Variants in HPSE2 observed in about 807,000 individuals in gnomAD.
The protein encoded by HPSE2 is heparanase 2 (inactive).
A neutral mutation model predicts 60.5 loss-of-function variants in HPSE2; 38 were observed. The observed-to-expected ratio is 0.63, with a 90% CI of 0.48 to 0.82. The LOEUF (loss-of-function observed/expected upper bound fraction) is 0.82, where lower values mean the gene tolerates loss of function less well. Ranked by LOEUF, HPSE2 falls within the 40% of genes least tolerant of loss-of-function variation. The probability of loss-of-function intolerance (pLI) is 0.00; values close to 1 mark genes in which losing one functional copy is unlikely to be tolerated. For missense variants in HPSE2, 713 were observed against 740.4 expected, an observed-to-expected ratio of 0.96 and a Z score of 0.43; for synonymous variants, 295 against 293.2, an observed-to-expected ratio of 1.01 and a Z score of -0.06.
chr10:98,934,682 T>C (rs1954741077), intron 3 of HPSE2, among the ~76,000 whole-genome samples: 1 of 144,104 alleles, frequency 6.9e-6, no homozygotes, highest in South Asian at 2.1e-4. Context: ...GTAGGTGACC[T>C]GGCCTTTCTC....
chr10:99,266,976 C>T, the HPSE2 span, among the ~76,000 whole-genome samples: 1 of 152,124 alleles, frequency 6.6e-6, no homozygotes, highest in Non-Finnish European at 1.5e-5. Flanking sequence ...GGTAGCACCC[C>T]ATGGGACAAA....
At chr10:98,735,875 A>T (rs1949344332) in intron 4 of HPSE2, among the ~76,000 whole-genome samples, 1 of 152,202 alleles carries the variant, frequency 6.6e-6, no homozygotes, top group Non-Finnish European at 1.5e-5. Flanking sequence ...GGCAGAAGGG[A>T]ATTGCCTTGT....
At chr10:98,841,318 C>T (rs1369497579) in intron 3 of HPSE2, among the ~76,000 whole-genome samples, 2 of 152,188 alleles carry the variant, frequency 1.3e-5, no homozygotes, top group Non-Finnish European at 2.9e-5. Context: ...GGTTCTTCCA[C>T]ATTCCTTCAC....
intron 2 of HPSE2, among the ~76,000 whole-genome samples, chr10:99,216,659 A>C (rs1366585420): frequency 6.6e-6 from 1 of 152,132 alleles, no homozygotes; most frequent in Admixed American, 6.5e-5. Context: ...TCTACTCTAT[A>C]CATCATTTTT....
chr10:99,132,214 AG>A lies in HPSE2; in HGVS notation c.610+12023del, dbSNP rs1845452242. On this transcript the variant is annotated intron_variant, in intron 3 of 11. Coordinates refer to ENST00000370552, the MANE Select transcript of HPSE2 (RefSeq NM_021828.5). ...GAAAGAGAGAGAGAGAGAGAGAGAG[AG>A]AGAGAGAGAGAGAGAGAGAGAGAGA... 8.6e-4 allele frequency among the ~76,000 whole-genome samples: 28 copies of A among 32,642 alleles called. 1 individual carries two copies. The highest frequency in any genetic ancestry group is 1.3e-3 in the African/African-American group (25 of 18,900). The allele number at this position is 32,642 out of a possible 152,430, so 21.4% of individuals were successfully genotyped here.
intron 3 of HPSE2, among the ~76,000 whole-genome samples, chr10:98,884,660 T>C (rs1397227740): frequency 2.0e-5 from 3 of 152,134 alleles, no homozygotes; most frequent in Non-Finnish European, 2.9e-5. Flanking sequence ...CTCAACCTTT[T>C]TGGCACCAGG....
intron 9 of HPSE2, among the ~76,000 whole-genome samples, chr10:98,531,032 C>T (rs1336977418): frequency 6.6e-6 from 1 of 152,172 alleles, no homozygotes; most frequent in Non-Finnish European, 1.5e-5. Flanking sequence ...CTGAATATAT[C>T]TCCGTGCCAG....
chr10:99,132,456 T>C (rs188910005), intron 3 of HPSE2, among the ~76,000 whole-genome samples: 49 of 152,236 alleles, frequency 3.2e-4, no homozygotes, highest in African/African-American at 1.2e-3. Context: ...GCTGGCAAGA[T>C]GGCCGAATAG....
intron 6 of HPSE2, among the ~76,000 whole-genome samples, chr10:98,653,575 G>C (rs1225055159): frequency 2.0e-5 from 3 of 151,184 alleles, no homozygotes; most frequent in Non-Finnish European, 4.4e-5. Flanking sequence ...ATGAATCTCG[G>C]TGTATCTTCA....
chr10:98,826,399 T>C (rs1239504317), intron 3 of HPSE2, among the ~76,000 whole-genome samples: 1 of 152,190 alleles, frequency 6.6e-6, no homozygotes, highest in Admixed American at 6.5e-5. Flanking sequence ...CAAGACTAAA[T>C]ATTGGGGTTT....
intron 3 of HPSE2, among the ~76,000 whole-genome samples, chr10:98,854,032 A>C (rs1952246882): frequency 6.6e-6 from 1 of 152,182 alleles, no homozygotes; most frequent in Non-Finnish European, 1.5e-5. Context: ...AAATATTAAG[A>C]AAAGTGATCT....
chr10:98,741,623 A>C (rs112421971), intron 4 of HPSE2, among the ~76,000 whole-genome samples: 89 of 152,254 alleles, frequency 5.8e-4, no homozygotes, highest in Admixed American at 1.1e-3. Context: ...AAAACCCTAG[A>C]ATAATTATTC....
chr10:99,104,622 T>C (rs1442887633), intron 3 of HPSE2, among the ~76,000 whole-genome samples: 2 of 152,196 alleles, frequency 1.3e-5, no homozygotes, highest in East Asian at 1.9e-4. Context: ...TGTTTGTTTA[T>C]TGCGGCACTC....
At chr10:99,175,648 C>T (rs1847495047) in intron 2 of HPSE2, among the ~76,000 whole-genome samples, 1 of 152,218 alleles carries the variant, frequency 6.6e-6, no homozygotes, top group Admixed American at 6.5e-5. Flanking sequence ...AAACTCCCAT[C>T]TCCCTGTGAC....
chr10:99,029,433 C>T (rs755969714), intron 3 of HPSE2, among the ~76,000 whole-genome samples: 8 of 152,224 alleles, frequency 5.3e-5, no homozygotes, highest in Non-Finnish European at 7.4e-5. Flanking sequence ...ACCACCAATG[C>T]GCAGAGACCG....
chr10:98,624,136 T>C (rs1946144606), intron 7 of HPSE2, among the ~76,000 whole-genome samples: 1 of 152,222 alleles, frequency 6.6e-6, no homozygotes, highest in South Asian at 2.1e-4. Flanking sequence ...TTTGTTCTTG[T>C]TGTCTTACAT....
intron 9 of HPSE2, among the ~76,000 whole-genome samples, chr10:98,589,189 C>T (rs1034590940): frequency 6.6e-6 from 1 of 152,214 alleles, no homozygotes; most frequent in African/African-American, 2.4e-5. Context: ...GATTGGAACT[C>T]AGGCGCACAA....
At chr10:98,757,863 A>C (rs546567386) in intron 3 of HPSE2, among the ~76,000 whole-genome samples, 1 of 152,320 alleles carries the variant, frequency 6.6e-6, no homozygotes, top group South Asian at 2.1e-4. Flanking sequence ...ATGGAACAAG[A>C]AAGAACCCAA....
intron 5 of HPSE2, among the ~76,000 whole-genome samples, chr10:98,697,944 C>T (rs1948275849): frequency 6.6e-6 from 1 of 150,516 alleles, no homozygotes; most frequent in African/African-American, 2.4e-5. Context: ...AGCTAACTAT[C>T]CTAAATATAT....
Sources: allele counts gnomAD v4.1 joint callset (sites outside exome capture counted in the v4.1 genomes callset), GRCh38; gene constraint gnomAD v4.1.1; transcripts MANE v1.5; gene names NCBI Gene and HGNC (gene_info 2026-07-23, HGNC 2026-07-21).